Variants in CCDC32 observed in about 807,000 individuals in gnomAD.
CCDC32 encodes coiled-coil domain containing 32.
CCDC32 carries 9 observed loss-of-function variants against 20.1 expected under a neutral mutation model. The observed-to-expected ratio is 0.45, with a 90% CI of 0.27 to 0.78. CCDC32 has a LOEUF of 0.78. Among genes scored for constraint, CCDC32 ranks in the 30% least tolerant of loss-of-function variants. CCDC32 has a pLI of 0.16. For missense variants in CCDC32, 204 were observed against 215.5 expected, an observed-to-expected ratio of 0.95 and a Z score of 0.33; for synonymous variants, 63 against 79.0, an observed-to-expected ratio of 0.80 and a Z score of 1.07.
At chr15:40,529,604 G>A (rs1365245422) in intron 3 of CCDC32, 3 of 151,098 alleles carry the variant, frequency 2.0e-5, no homozygotes, top group Non-Finnish European at 4.4e-5. Flanking sequence ...ACTAAAATTG[G>A]AACATACAGA....
chr15:40,558,689 C>A (rs2141647593), intron 2 of CCDC32, among the ~76,000 whole-genome samples: 1 of 152,254 alleles, frequency 6.6e-6, no homozygotes, highest in African/African-American at 2.4e-5. Context: ...AGAAATGACT[C>A]TTATTTTCTT....
At chr15:40,538,433 C>T (rs1889226321), downstream of CCDC32, 1 of 152,370 alleles carries the variant, frequency 6.6e-6, no homozygotes, top group Admixed American at 6.5e-5. Context: ...CAAGGGGTCA[C>T]AGGGCACCTG....
At chr15:40,522,828 C>CTTTT in the CCDC32 span, among the ~76,000 whole-genome samples, 22 of 131,186 alleles carry the variant, frequency 1.7e-4, 1 homozygote, top group East Asian at 4.4e-4. Context: ...GTTTTCCTTT[C>CTTTT]TTTTTTTTTT....
intron 2 of CCDC32, among the ~76,000 whole-genome samples, chr15:40,559,846 C>T (rs1378795481): frequency 1.3e-5 from 2 of 152,032 alleles, no homozygotes; most frequent in Non-Finnish European, 2.9e-5. Context: ...AAAGGACATC[C>T]TATGTAACAA....
downstream of CCDC32, chr15:40,532,168 C>T: frequency 5.2e-6 from 3 of 574,640 alleles, no homozygotes; most frequent in South Asian, 2.3e-5. Context: ...CCATGTGTTT[C>T]TTCATTATTA....
chr15:40,539,001 C>A (rs1313270690), downstream of CCDC32: 3 of 529,912 alleles, frequency 5.7e-6, no homozygotes, highest in Non-Finnish European at 1.0e-5. Flanking sequence ...TCCCTCTTCC[C>A]ATGGGTTCTC....
intron 2 of CCDC32, among the ~76,000 whole-genome samples, chr15:40,559,863 C>G (rs1890501781): frequency 6.6e-6 from 1 of 152,138 alleles, no homozygotes; most frequent in Non-Finnish European, 1.5e-5. Context: ...ACAAATGGTT[C>G]TGGGAAAACT....
chr15:40,540,370 CTTTTTT>C (rs869261368), intron 3 of CCDC32, among the ~76,000 whole-genome samples: 15 of 83,034 alleles, frequency 1.8e-4, no homozygotes, highest in East Asian at 4.9e-4. Context: ...TTTTCTTTTT[CTTTTTT>C]TTTTTTTTTG....
intron 3 of CCDC32, among the ~76,000 whole-genome samples, chr15:40,542,836 C>T (rs1226632879): frequency 6.9e-6 from 1 of 145,546 alleles, no homozygotes; most frequent in African/African-American, 2.6e-5. Flanking sequence ...GGGGACAGAG[C>T]GAGACTTTGT....
downstream of CCDC32, chr15:40,531,318 T>A (rs564977350): frequency 6.7e-6 from 1 of 150,260 alleles, no homozygotes; most frequent in East Asian, 1.9e-4. Context: ...AAATTTATAT[T>A]TCTTTTTTTT....
At chr15:40,529,200 C>G (rs1454179269) in intron 3 of CCDC32, among the ~76,000 whole-genome samples, 1 of 152,264 alleles carries the variant, frequency 6.6e-6, no homozygotes, top group Non-Finnish European at 1.5e-5. Context: ...GGAAGCTTAA[C>G]ACATGGCAGC....
chr15:40,539,122 G>T, downstream of CCDC32: 1 of 833,056 alleles, frequency 1.2e-6, no homozygotes, highest in Non-Finnish European at 1.9e-6. Flanking sequence ...CTGAGGGCTG[G>T]GCCAGAGGGA....
At chr15:40,557,922 A>G (rs899250887) in intron 2 of CCDC32, 1 of 141,546 alleles carries the variant, frequency 7.1e-6, no homozygotes, top group South Asian at 2.3e-4. Context: ...ATGTGTGATT[A>G]AATTCTTAAT....
chr15:40,530,861 G>A (rs887880164), downstream of CCDC32, among the ~76,000 whole-genome samples: 3 of 150,940 alleles, frequency 2.0e-5, no homozygotes, highest in African/African-American at 4.8e-5. Flanking sequence ...ATAGGCGTGC[G>A]CCACCACCCG....
chr15:40,557,065 TAACTC>T, intron 3 of CCDC32, 146 bp downstream of exon 3: 1 of 793,282 alleles, frequency 1.3e-6, no homozygotes, highest in Non-Finnish European at 1.9e-6. Flanking sequence ...GCTTTATCCT[TAACTC>T]TATTCAATCT....
intron 3 of CCDC32, among the ~76,000 whole-genome samples, chr15:40,555,729 T>C (rs1890188109): frequency 6.6e-6 from 1 of 152,246 alleles, no homozygotes; most frequent in Admixed American, 6.5e-5. Context: ...AATGTACCTA[T>C]GAAGTTTTAT....
chr15:40,545,355 C>CAA (rs1889573370), intron 3 of CCDC32, among the ~76,000 whole-genome samples: 1 of 152,164 alleles, frequency 6.6e-6, no homozygotes, highest in African/African-American at 2.4e-5. Flanking sequence ...CACACACACA[C>CAA]AATCCCTCTC....
chr15:40,539,191 A>G (rs1231954651), downstream of CCDC32: 3 of 1,485,922 alleles, frequency 2.0e-6, no homozygotes, highest in Non-Finnish European at 9.1e-7. Context: ...AGAAAGGTCA[A>G]TCCCACATGG....
chr15:40,528,773 A>T, exon 4 of CCDC32: 1 of 699,736 alleles, frequency 1.4e-6, no homozygotes, highest in Non-Finnish European at 2.6e-6. Flanking sequence ...CTTAGCACAG[A>T]TCCCATTTCT....
Sources: allele counts gnomAD v4.1 joint callset (sites outside exome capture counted in the v4.1 genomes callset), GRCh38; gene constraint gnomAD v4.1.1; transcripts MANE v1.5; gene names NCBI Gene and HGNC (gene_info 2026-07-23, HGNC 2026-07-21).